MAGEB6: variants seen among roughly 807,000 people sequenced by gnomAD.
MAGEB6 encodes MAGE family member B6.
For synonymous variants in MAGEB6, 128 were observed against 136.2 expected (o/e 0.94, Z 0.42); for missense variants, 327 against 329.7 (o/e 0.99, Z 0.06).
chrX:26,194,605 A>C lies in MAGEB6; in HGVS notation c.759A>C (p.Lys253Asn). Reference protein sequence around the residue: ...HLVVAFGVELKEMDSSGESYT... With the variant: ...HLVVAFGVELNEMDSSGESYT... ...TGGTGGCCTTTGGCGTTGAATTGAA[A>C]GAAATGGATTCCAGCGGCGAGTCCT... Residue 253 changes from lysine (K) to asparagine (N), a missense_variant, in exon 2 of 2, where the codon AAA becomes AAC. Transcript: ENST00000379034. 8.3e-7 allele frequency: 1 copy of C among 1,210,941 alleles called. No homozygotes were observed. Among genetic ancestry groups the C allele is most frequent in the Non-Finnish European group, 1.1e-6 (1 of 895,315 alleles).
chrX:26,193,753 G>A (rs990107081), intron 1 of MAGEB6, 33 bp from the exon 2 acceptor site: 1 of 998,885 alleles, frequency 1.0e-6, no homozygotes, highest in Non-Finnish European at 1.3e-6. Flanking sequence ...CTCTGCTGAA[G>A]ATATTGACGT....
Position 26,194,110 on chromosome X carries a change from C to A in MAGEB6, c.264C>A (p.Gly88=). The A allele has an allele frequency of 8.3e-7, 1 of 1,202,934 alleles. No homozygotes were observed. Among genetic ancestry groups the A allele is most frequent in the Non-Finnish European group, 1.1e-6 (1 of 890,606 alleles). Residue 88 remains glycine (G), a synonymous_variant, in exon 2 of 2, where the codon GGC becomes GGA. Transcript: ENST00000379034. ...CAAAATCCGATGTGGCTGCCAACGG[C>A]CAAGATGAGAAAAGTCCAAGCACCT... ...SYSKSDVAAN[G]QDEKSPSTSR... is the part of the protein sequence containing the mutation.
Position 26,194,720 on chromosome X carries a change from CT to C in MAGEB6, c.875del (p.Leu292ArgfsTer3). 1 of 1,211,530 alleles carries C rather than the reference CT, an allele frequency of 8.3e-7. No individual in the cohort carries two copies. Among genetic ancestry groups the C allele is most frequent in the Non-Finnish European group, 1.1e-6 (1 of 895,428 alleles). On this transcript the variant is annotated frameshift_variant, in exon 2 of 2. Coordinates refer to ENST00000379034, the MANE Select transcript of MAGEB6 (RefSeq NM_173523.2). LOFTEE classifies it low-confidence loss of function (END_TRUNC). Reference protein sequence around the residue: ...LPKSGLLMSLLVVIFMNGNCA... With the variant: ...LPKSGLLMSLXVVIFMNGNCA... The stretch of plus-strand genomic sequence containing the variant: ...GAAGTCGGGTCTCCTGATGTCGCTC[CT>C]GGTTGTGATCTTCATGAACGGCAAC...
Position 26,194,048 on chromosome X carries a change from T to A in MAGEB6, c.202T>A (p.Ser68Thr). ...ASIPQESQGV[S>T]PTGSPDAVVS... ...CATTCCTCAGGAGTCTCAGGGAGTG[T>A]CACCCACTGGGTCTCCTGATGCAGT... The change falls in exon 2 of 2, where the codon TCA (serine) becomes ACA (threonine). Residue 68 changes from serine (S) to threonine (T), a missense_variant. Coordinates refer to ENST00000379034, the MANE Select transcript of MAGEB6 (RefSeq NM_173523.2). The A allele has an allele frequency of 2.5e-6, 3 of 1,211,661 alleles. No homozygotes were observed. The highest frequency in any genetic ancestry group is 3.4e-6 in the Non-Finnish European group (3 of 895,372).
At chrX:26,192,693 G>A (rs1047794643) in intron 1 of MAGEB6, among the ~76,000 whole-genome samples, 166 bp downstream of exon 1, 14 of 111,316 alleles carry the variant, frequency 1.3e-4, no homozygotes, top group Non-Finnish European at 2.6e-4. Flanking sequence ...TTTTTCCGTC[G>A]TGTTGAAGAA....
At position 26,195,346 on chromosome X, in the gene MAGEB6, A is replaced by T. The variant is rs1479361238; in HGVS notation, c.*276A>T. The T allele has an allele frequency of 4.3e-5, 13 of 301,034 alleles. No individual in the cohort carries two copies. The highest frequency in any genetic ancestry group is 2.2e-4 in the Admixed American group (4 of 17,903). The allele number at this position is 301,034 out of a possible 1,213,427, so 24.8% of individuals were successfully genotyped here. Reference sequence around the variant, plus strand: ...GGTTTATTTTGCTTCAGATTATACAATTATCAATAACATAGCTCTCACATT... The same window carrying T: ...GGTTTATTTTGCTTCAGATTATACATTTATCAATAACATAGCTCTCACATT... On this transcript the variant is annotated 3_prime_UTR_variant, in exon 2 of 2. Coordinates refer to ENST00000379034, the MANE Select transcript of MAGEB6 (RefSeq NM_173523.2).
At chrX:26,193,172 A>C (rs1929134336) in intron 1 of MAGEB6, among the ~76,000 whole-genome samples, 1 of 105,081 alleles carries the variant, frequency 9.5e-6, no homozygotes, top group South Asian at 4.7e-4. Flanking sequence ...GGCACAAGGA[A>C]ATGGGCCTCT....
chrX:26,194,919 T>C lies in MAGEB6; in HGVS notation c.1073T>C (p.Leu358Pro), dbSNP rs1172460598. 8.3e-7 allele frequency: 1 copy of C among 1,212,109 alleles called. No individual in the cohort carries two copies. ...CNSDPPCYEF[L>P]WGPRAYAETT... ...AGTGATCCTCCATGCTATGAGTTCCTGTGGGGTCCACGAGCCTATGCTGAA... is the reference window on the plus strand; with the variant it reads ...AGTGATCCTCCATGCTATGAGTTCCCGTGGGGTCCACGAGCCTATGCTGAA... Residue 358 changes from leucine to proline, a missense_variant, in exon 2 of 2, where the codon CTG becomes CCG. Leu to Pro is a moderately conservative substitution (Grantham distance 98, BLOSUM62 -3). Transcript: ENST00000379034.
At position 26,195,351 on chromosome X, in the gene MAGEB6, C is replaced by T. The variant is rs1382039414; in HGVS notation, c.*281C>T. On this transcript the variant is annotated 3_prime_UTR_variant, in exon 2 of 2. Transcript: ENST00000379034. Reference sequence around the variant, plus strand: ...ATTTTGCTTCAGATTATACAATTATCAATAACATAGCTCTCACATTCATGG... The same window carrying T: ...ATTTTGCTTCAGATTATACAATTATTAATAACATAGCTCTCACATTCATGG... 3.4e-6 allele frequency: 1 copy of T among 289,929 alleles called. No homozygotes were observed. Among genetic ancestry groups the T allele is most frequent in the African/African-American group, 2.7e-5 (1 of 37,371 alleles). The allele number at this position is 289,929 out of a possible 1,213,427, so 23.9% of individuals were successfully genotyped here.
Position 26,195,187 on chromosome X carries a change from T to C in MAGEB6, c.*117T>C, listed in dbSNP as rs1320909249. On this transcript the variant is annotated 3_prime_UTR_variant, in exon 2 of 2. Transcript: ENST00000379034. ...TTCACTTTATGTTAGAAGAGAGTAG[T>C]GAGCTTTCTAAGTAGTGCAGTATAG... The C allele has an allele frequency of 3.2e-6, 3 of 927,097 alleles. No homozygotes were observed. Among genetic ancestry groups the C allele is most frequent in the Non-Finnish European group, 4.5e-6 (3 of 668,078 alleles). 76.4% of individuals were successfully genotyped at this position (927,097 alleles called of 1,213,427 possible).
rs143373947 is a variant in MAGEB6 at position 26,194,620 on chromosome X, C to T, written c.774C>T (p.Ser258=). 4,734 of 1,209,114 alleles carry T rather than the reference C, an allele frequency of 3.9e-3. 13 individuals carry two copies. Among genetic ancestry groups the T allele is most frequent in the Middle Eastern group, 0.016 (71 of 4,355 alleles). Residue 258 remains serine, a synonymous_variant, in exon 2 of 2, where the codon AGC becomes AGT. Transcript: ENST00000379034. ...FGVELKEMDS[S]GESYTLVSKL... ...TTGAATTGAAAGAAATGGATTCCAG[C>T]GGCGAGTCCTACACCCTTGTCAGCA... is the stretch of plus-strand genomic sequence containing the variant.
In MAGEB6 at chrX:26,193,793, C is replaced by G; in HGVS notation, c.-54C>G. On this transcript the variant is annotated 5_prime_UTR_variant, in exon 2 of 2. Coordinates refer to ENST00000379034, the MANE Select transcript of MAGEB6 (RefSeq NM_173523.2). ...TCACTCTCTCCCATCCAGGTGCCAG[C>G]CTTCCTAGTCTTCCTACCCACACTC... 8.9e-7 allele frequency: 1 copy of G among 1,125,202 alleles called. No individual in the cohort carries two copies. Among genetic ancestry groups the G allele is most frequent in the Non-Finnish European group, 1.2e-6 (1 of 850,163 alleles). 92.7% of individuals were successfully genotyped at this position (1,125,202 alleles called of 1,213,427 possible).
chrX:26,193,866 G>A lies in MAGEB6; in HGVS notation c.20G>A (p.Ser7Asn), dbSNP rs774513630. ...GCCATCATGCCTCGGGGTCACAAGA[G>A]TAAGCTCCGTACCTGTGAGAAACGC... Reference protein sequence around the residue: MPRGHKSKLRTCEKRQE... With the variant: MPRGHKNKLRTCEKRQE... The change falls in exon 2 of 2, where the codon AGT (serine) becomes AAT (asparagine). Residue 7 changes from serine (S) to asparagine (N), a missense_variant. Physicochemically the swap from Ser to Asn is conservative, Grantham distance 46 (BLOSUM62 1). Coordinates refer to ENST00000379034, the MANE Select transcript of MAGEB6 (RefSeq NM_173523.2). The A allele has an allele frequency of 1.6e-5, 19 of 1,168,932 alleles. No homozygotes were observed. Among genetic ancestry groups the A allele is most frequent in the Non-Finnish European group, 2.1e-5 (18 of 874,326 alleles).
chrX:26,194,431 A>G lies in MAGEB6; in HGVS notation c.585A>G (p.Val195=), dbSNP rs1569256565. ...IIFKRLSKDA[V]KKKACTLAQF... ...TTAAGCGCTTAAGCAAAGATGCTGT[A>G]AAGAAGAAGGCGTGCACGTTGGCGC... The change falls in exon 2 of 2, where the codon GTA becomes GTG. Residue 195 remains valine (V), a synonymous_variant. Coordinates refer to ENST00000379034, the MANE Select transcript of MAGEB6 (RefSeq NM_173523.2). 2.5e-6 allele frequency: 3 copies of G among 1,212,097 alleles called. No homozygotes were observed. Among genetic ancestry groups the G allele is most frequent in the Non-Finnish European group, 3.3e-6 (3 of 895,590 alleles).
In MAGEB6 at chrX:26,195,074, A is replaced by G; in HGVS notation, c.*4A>G. 1 of 1,203,616 alleles carries G rather than the reference A, an allele frequency of 8.3e-7. No individual in the cohort carries two copies. Among genetic ancestry groups the G allele is most frequent in the Non-Finnish European group, 1.1e-6 (1 of 889,968 alleles). ...AGCATTGAGACTGAGAGCTTAAGGC[A>G]GGGCTGGCACTATTTCCTTGGCCAG... is the stretch of plus-strand genomic sequence containing the variant. On this transcript the variant is annotated 3_prime_UTR_variant, in exon 2 of 2. Coordinates refer to ENST00000379034, the MANE Select transcript of MAGEB6 (RefSeq NM_173523.2).
chrX:26,193,153 T>C (rs1929133889), intron 1 of MAGEB6, among the ~76,000 whole-genome samples: 1 of 109,806 alleles, frequency 9.1e-6, no homozygotes, highest in Non-Finnish European at 1.9e-5. Context: ...CTACTGTCAA[T>C]TTCAGAGTGG....
chrX:26,194,699 T>A lies in MAGEB6; in HGVS notation c.853T>A (p.Ser285Thr), dbSNP rs765925961. The A allele has an allele frequency of 1.7e-6, 2 of 1,211,387 alleles. No homozygotes were observed. Among genetic ancestry groups the A allele is most frequent in the Non-Finnish European group, 2.2e-6 (2 of 895,387 alleles). ...ILSGDNALPK[S>T]GLLMSLLVVI... ...GAGTGGTGATAATGCGCTGCCGAAG[T>A]CGGGTCTCCTGATGTCGCTCCTGGT... Residue 285 changes from serine to threonine, a missense_variant, in exon 2 of 2, where the codon TCG (serine) becomes ACG (threonine). Transcript: ENST00000379034.
chrX:26,193,728 G>T (rs1190902749), intron 1 of MAGEB6, 58 bp from the exon 2 acceptor site: 40 of 859,210 alleles, frequency 4.7e-5, no homozygotes, highest in Non-Finnish European at 6.2e-5. Context: ...CCTAGTTAAA[G>T]CCAAGATGGT....
In MAGEB6 at chrX:26,194,237, C is replaced by G; in HGVS notation, c.391C>G (p.Gln131Glu). Residue 131 changes from glutamine (Q) to glutamate (E), a missense_variant, in exon 2 of 2, where the codon CAA (glutamine) becomes GAA (glutamate). Transcript: ENST00000379034. ...GSKYDVAANG[Q>E]DEKSPSTSHD... The stretch of plus-strand genomic sequence containing the variant: ...AAAATATGATGTGGCTGCCAACGGC[C>G]AAGATGAGAAAAGTCCAAGCACTTC... The G allele has an allele frequency of 8.3e-7, 1 of 1,203,043 alleles. No homozygotes were observed. The highest frequency in any genetic ancestry group is 1.1e-6 in the Non-Finnish European group (1 of 892,111).
Sources: allele counts gnomAD v4.1 joint callset (sites outside exome capture counted in the v4.1 genomes callset), GRCh38; gene constraint gnomAD v4.1.1; transcripts MANE v1.5; gene names NCBI Gene and HGNC (gene_info 2026-07-23, HGNC 2026-07-21).